MITF: variants seen among roughly 807,000 people sequenced by gnomAD.
MITF encodes microphthalmia-associated transcription factor.
MITF carries 17 observed loss-of-function variants against 60.5 expected under a neutral mutation model. That is an observed-to-expected ratio of 0.28 (90% CI 0.19 to 0.42). MITF has a LOEUF of 0.42. Among genes scored for constraint, MITF ranks in the 10% least tolerant of loss-of-function variants. MITF has a pLI of 1.00. For synonymous variants in MITF, 260 were observed against 248.5 expected (o/e 1.05, Z -0.43); for missense variants, 622 against 683.5 (o/e 0.91, Z 1.00).
chr3:69,963,080 A>G (rs966462371), intron 9 of MITF, among the ~76,000 whole-genome samples: 10 of 152,110 alleles, frequency 6.6e-5, no homozygotes, highest in African/African-American at 2.4e-4. Flanking sequence ...CCCACTAGTA[A>G]AATCTCTTTT....
intron 1 of MITF, among the ~76,000 whole-genome samples, chr3:69,835,296 G>C (rs1360142078): frequency 6.6e-6 from 1 of 152,030 alleles, no homozygotes; most frequent in Non-Finnish European, 1.5e-5. Flanking sequence ...GGGATTGCAG[G>C]CATGCACCCA....
At chr3:69,840,924 T>C (rs372339347) in intron 1 of MITF, among the ~76,000 whole-genome samples, 1 of 151,998 alleles carries the variant, frequency 6.6e-6, no homozygotes, top group African/African-American at 2.4e-5. Context: ...CCCAGCTAAG[T>C]TTTGCATTTT....
chr3:69,949,060 T>A lies in MITF; in HGVS notation c.772T>A (p.Ser258Thr). Residue 258 changes from serine (S) to threonine (T), a missense_variant, in exon 6 of 10, where the codon TCG (serine) becomes ACG (threonine). Ser to Thr is a moderately conservative substitution (Grantham distance 58). This residue lies in a region of MITF where 215 missense variants were observed against 224.8 expected (regional missense o/e 0.96). Transcript: ENST00000352241. ...GTTTGTCTCTCTCTAGTTGCCTGTC[T>A]CGGGAAACTTGATTGATCTTTATGG... ...ALQMANTLPV[S>T]GNLIDLYGNQ... is the part of the protein sequence containing the mutation. 6.2e-7 allele frequency: 1 copy of A among 1,613,208 alleles called. No individual in the cohort carries two copies. The highest frequency in any genetic ancestry group is 8.5e-7 in the Non-Finnish European group (1 of 1,179,288).
At chr3:69,789,237 A>G (rs2062701164) in intron 1 of MITF, among the ~76,000 whole-genome samples, 1 of 152,248 alleles carries the variant, frequency 6.6e-6, no homozygotes, top group South Asian at 2.1e-4. Flanking sequence ...CAAATCATAT[A>G]TCTAATAATT....
At chr3:69,779,687 CA>C (rs527451020) in intron 1 of MITF, among the ~76,000 whole-genome samples, 94 of 151,602 alleles carry the variant, frequency 6.2e-4, no homozygotes, top group Admixed American at 1.4e-3. Flanking sequence ...AATTGGGGGT[CA>C]AAAAATATAT....
intron 1 of MITF, chr3:69,763,884 A>G (rs1352525842): frequency 2.2e-6 from 3 of 1,379,594 alleles, no homozygotes; most frequent in Non-Finnish European, 1.9e-6. Flanking sequence ...CCCACGAGCT[A>G]TTTTCTCTCT....
intron 6 of MITF, among the ~76,000 whole-genome samples, chr3:69,950,172 G>T (rs1291714352): frequency 1.3e-5 from 2 of 151,992 alleles, no homozygotes; most frequent in East Asian, 3.9e-4. Context: ...GCTCACGCCT[G>T]TAATCTCAGC....
intron 1 of MITF, among the ~76,000 whole-genome samples, chr3:69,746,192 G>A (rs1176725372): frequency 6.6e-6 from 1 of 152,184 alleles, no homozygotes; most frequent in Admixed American, 6.5e-5. Flanking sequence ...ACTATTTACA[G>A]ATTTTACTTA....
intron 1 of MITF, among the ~76,000 whole-genome samples, chr3:69,874,981 A>G (rs1211937894): frequency 6.6e-6 from 1 of 152,238 alleles, no homozygotes; most frequent in Non-Finnish European, 1.5e-5. Context: ...GTAGGAACTC[A>G]GGTCACATTT....
intron 1 of MITF, among the ~76,000 whole-genome samples, chr3:69,805,855 C>G (rs770322198): frequency 1.3e-5 from 2 of 151,936 alleles, no homozygotes; most frequent in Non-Finnish European, 2.9e-5. Flanking sequence ...GAGACAAGAT[C>G]TTTCTATGTT....
chr3:69,864,968 A>G (rs2064084766), intron 1 of MITF, among the ~76,000 whole-genome samples: 1 of 152,096 alleles, frequency 6.6e-6, no homozygotes, highest in Non-Finnish European at 1.5e-5. Context: ...CAGTTATGAC[A>G]TTTTTCATTA....
chr3:69,877,339 T>C (rs775212319), intron 1 of MITF, among the ~76,000 whole-genome samples: 18 of 152,204 alleles, frequency 1.2e-4, no homozygotes, highest in African/African-American at 4.8e-5. Flanking sequence ...TCAAATTGTA[T>C]GAACAATTTT....
rs56689910 is a variant in MITF, at chr3:69,937,365, G to GGTGTGTGTGT, written c.355-426_355-417dup. Among the ~76,000 whole-genome samples, 46 of 142,202 alleles carry GGTGTGTGTGT rather than the reference G, an allele frequency of 3.2e-4. No individual in the cohort carries two copies. The East Asian group carries it at 4.0e-3, about 12-fold the overall frequency. 93.3% of individuals were successfully genotyped at this position (142,202 alleles called of 152,430 possible). ...ATTTTACACAGTTGGTTCTTAAGGA[G>GGTGTGTGTGT]GTGTGTGTGTGTGTGTGTGTGTGTG... is the stretch of plus-strand genomic sequence containing the variant. On this transcript the variant is annotated intron_variant, in intron 2 of 9. Coordinates refer to ENST00000352241, the MANE Select transcript of MITF (RefSeq NM_001354604.2).
chr3:69,943,076 T>G (rs1479268213), intron 5 of MITF, among the ~76,000 whole-genome samples: 1 of 150,252 alleles, frequency 6.7e-6, no homozygotes, highest in Non-Finnish European at 1.5e-5. Context: ...CCTCCTCTTT[T>G]TTTTTTTTTT....
intron 5 of MITF, among the ~76,000 whole-genome samples, chr3:69,944,307 CG>C (rs1023900854): frequency 6.6e-6 from 1 of 152,020 alleles, no homozygotes; most frequent in African/African-American, 2.4e-5. Flanking sequence ...CCTGTTCTCA[CG>C]GGGGTTACCA....
rs2063498449 is a variant in MITF at position 69,833,999 on chromosome 3, A to T, written c.105-45135A>T. Among the ~76,000 whole-genome samples, 3 of 152,252 alleles carry T rather than the reference A, an allele frequency of 2.0e-5. No homozygotes were observed. In the South Asian group the frequency reaches 6.2e-4, roughly 31 times the overall value. On this transcript the variant is annotated intron_variant, in intron 1 of 9. Transcript: ENST00000352241. ...TGAAACTTGAATTGTGACTCAAAACAAATATTACCTTCATTTTACTAATTT... is the reference window on the plus strand; with the variant it reads ...TGAAACTTGAATTGTGACTCAAAACTAATATTACCTTCATTTTACTAATTT...
At chr3:69,885,574 G>C (rs1192623274) in intron 2 of MITF, among the ~76,000 whole-genome samples, 1 of 152,056 alleles carries the variant, frequency 6.6e-6, no homozygotes, top group South Asian at 2.1e-4. Flanking sequence ...TTGTTGGAGG[G>C]CAAAAGAGTC....
intron 1 of MITF, among the ~76,000 whole-genome samples, chr3:69,750,967 C>T (rs899184513): frequency 7.9e-5 from 12 of 152,078 alleles, no homozygotes; most frequent in South Asian, 4.2e-4. Flanking sequence ...CTAACCAGGC[C>T]TTCCATGGAT....
intron 9 of MITF, among the ~76,000 whole-genome samples, chr3:69,961,879 T>C (rs1471178043): frequency 1.3e-5 from 2 of 152,252 alleles, no homozygotes; most frequent in African/African-American, 2.4e-5. Context: ...TTGTGAAATA[T>C]GTGCATTGGA....
Sources: allele counts gnomAD v4.1 joint callset (sites outside exome capture counted in the v4.1 genomes callset), GRCh38; gene constraint gnomAD v4.1.1; regional missense constraint gnomAD v4.1.1; transcripts MANE v1.5; gene names NCBI Gene and HGNC (gene_info 2026-07-23, HGNC 2026-07-21).